Variants in SEC24D observed in about 807,000 individuals in gnomAD.
SEC24D encodes protein transport protein Sec24D.
In SEC24D, 69 loss-of-function variants were observed where a neutral mutation model predicts 116.9. That is an observed-to-expected ratio of 0.59 (90% CI 0.49 to 0.72). SEC24D has a LOEUF of 0.72. Among genes scored for constraint, SEC24D ranks in the 30% least tolerant of loss-of-function variants. SEC24D has a pLI of 0.00. For missense variants in SEC24D, 1,131 were observed against 1,264.1 expected (o/e 0.89, Z 1.60); for synonymous variants, 405 against 442.8 (o/e 0.91, Z 1.07).
intron 21 of SEC24D, chr4:118,729,312 C>G (rs1257891627): frequency 6.6e-6 from 1 of 152,006 alleles, no homozygotes; most frequent in Non-Finnish European, 1.5e-5. Context: ...AAGTTATATG[C>G]AAATACCATG....
intron 7 of SEC24D, among the ~76,000 whole-genome samples, chr4:118,805,579 A>T (rs907336035): frequency 1.3e-5 from 2 of 152,230 alleles, no homozygotes; most frequent in Non-Finnish European, 2.9e-5. Flanking sequence ...AAACTAATTT[A>T]AACCCATAAA....
At chr4:118,733,020 G>T in intron 19 of SEC24D, 108 bp from the exon 20 acceptor site, 2 of 988,684 alleles carry the variant, frequency 2.0e-6, no homozygotes, top group Non-Finnish European at 3.0e-6. Flanking sequence ...TTGTAAGGAT[G>T]TAAGGATTAA....
At chr4:118,759,445 C>T (rs553175175) in intron 10 of SEC24D, among the ~76,000 whole-genome samples, 148 of 152,266 alleles carry the variant, frequency 9.7e-4, no homozygotes, top group Non-Finnish European at 1.9e-3. Context: ...ATTTCTCTAC[C>T]CATTCAATCC....
intron 11 of SEC24D, among the ~76,000 whole-genome samples, chr4:118,754,665 A>G (rs998942278): frequency 1.4e-4 from 21 of 152,144 alleles, no homozygotes. Flanking sequence ...CCCAACTGAT[A>G]ACCCAATAGT....
intron 2 of SEC24D, among the ~76,000 whole-genome samples, chr4:118,830,935 G>A (rs1730823104): frequency 6.6e-6 from 1 of 152,164 alleles, no homozygotes; most frequent in Non-Finnish European, 1.5e-5. Context: ...GAATGGAAAG[G>A]AGAAAGCAGG....
intron 8 of SEC24D, among the ~76,000 whole-genome samples, chr4:118,772,553 G>A (rs1288087992): frequency 2.6e-5 from 4 of 152,124 alleles, no homozygotes; most frequent in Admixed American, 2.6e-4. Flanking sequence ...CTAATCCTCT[G>A]CCGACTTTCC....
chr4:118,757,410 G>C (rs142273528), intron 11 of SEC24D, among the ~76,000 whole-genome samples: 1 of 152,276 alleles, frequency 6.6e-6, no homozygotes, highest in Non-Finnish European at 1.5e-5. Flanking sequence ...GAAAATCAAT[G>C]CTTTGAAAAG....
intron 8 of SEC24D, among the ~76,000 whole-genome samples, chr4:118,795,689 G>C (rs1729149422): frequency 6.6e-6 from 1 of 152,152 alleles, no homozygotes; most frequent in Non-Finnish European, 1.5e-5. Context: ...CTATTTACAT[G>C]AAGTCCTAGA....
chr4:118,748,467 A>G (rs1726656170), intron 13 of SEC24D, among the ~76,000 whole-genome samples: 1 of 152,198 alleles, frequency 6.6e-6, no homozygotes, highest in Non-Finnish European at 1.5e-5. Flanking sequence ...GTTCCTATGT[A>G]TTAAATGTTC....
intron 19 of SEC24D, chr4:118,736,494 T>C: frequency 4.1e-6 from 1 of 246,752 alleles, no homozygotes; most frequent in Non-Finnish European, 8.0e-6. Context: ...CAAGGAAACT[T>C]TGGGCTCTAT....
intron 11 of SEC24D, among the ~76,000 whole-genome samples, chr4:118,757,303 T>C (rs1370107636): frequency 6.6e-6 from 1 of 152,100 alleles, no homozygotes; most frequent in Admixed American, 6.6e-5. Flanking sequence ...CAAAAGGAAA[T>C]TGCTTAAAAA....
Position 118,814,766 on chromosome 4 carries a change from C to G in SEC24D, c.801+262G>C, listed in dbSNP as rs535680214. ...TATGTCAATGTAAACATTGTAGACA[C>G]TGCCAAGTTTATATGACACCAAAAA... On this transcript the variant is annotated intron_variant, in intron 6 of 22. Coordinates refer to ENST00000280551, the MANE Select transcript of SEC24D (RefSeq NM_014822.4). 4.6e-5 allele frequency among the ~76,000 whole-genome samples: 7 copies of G among 151,942 alleles called. No homozygotes were observed. The South Asian group carries it at 8.3e-4, about 18-fold the overall frequency.
At chr4:118,760,874 A>AT (rs35735465) in intron 10 of SEC24D, among the ~76,000 whole-genome samples, 53 of 148,518 alleles carry the variant, frequency 3.6e-4, no homozygotes, top group Admixed American at 9.4e-4. Context: ...ATGCCAGCTA[A>AT]TTTTTTTTTT....
chr4:118,760,240 GCTGTGCAA>G (rs1456787861), intron 10 of SEC24D, among the ~76,000 whole-genome samples: 1 of 152,160 alleles, frequency 6.6e-6, no homozygotes, highest in African/African-American at 2.4e-5. Context: ...CACTCACAAT[GCTGTGCAA>G]CCATTACCAC....
At chr4:118,767,573 TAAATGTG>T (rs1727698340) in intron 9 of SEC24D, among the ~76,000 whole-genome samples, 2 of 152,362 alleles carry the variant, frequency 1.3e-5, no homozygotes, top group East Asian at 3.9e-4. Flanking sequence ...ATAAATGTAA[TAAATGTG>T]AAAACACTTT....
intron 8 of SEC24D, among the ~76,000 whole-genome samples, chr4:118,792,760 C>G (rs1033361288): frequency 2.0e-5 from 3 of 152,136 alleles, no homozygotes; most frequent in African/African-American, 7.2e-5. Flanking sequence ...CTGCGGAAGG[C>G]GGCAGGGCCC....
intron 2 of SEC24D, chr4:118,833,296 C>T (rs189687630): frequency 1.1e-5 from 3 of 273,936 alleles, no homozygotes; most frequent in South Asian, 1.0e-4. Flanking sequence ...TTACAATAGC[C>T]TTACACCACT....
At chr4:118,811,400 C>T (rs1729916447) in intron 6 of SEC24D, among the ~76,000 whole-genome samples, 1 of 152,214 alleles carries the variant, frequency 6.6e-6, no homozygotes, top group South Asian at 2.1e-4. Context: ...TATGTGTCAA[C>T]TTGGCTAGGC....
chr4:118,801,922 T>C (rs561078323), intron 7 of SEC24D, among the ~76,000 whole-genome samples: 1 of 152,246 alleles, frequency 6.6e-6, no homozygotes, highest in Non-Finnish European at 1.5e-5. Context: ...AGATGCTTAA[T>C]AAAGAGCATT....
Sources: gnomAD v4.1 joint callset for allele counts (sites outside exome capture counted in the v4.1 genomes callset) on GRCh38, gnomAD v4.1.1 for gene constraint, MANE v1.5 for transcripts, NCBI Gene and HGNC (gene_info 2026-07-23, HGNC 2026-07-21) for gene names.